Variants in PPM1H observed in about 807,000 individuals in gnomAD.
PPM1H encodes protein phosphatase 1H.
A neutral mutation model predicts 54.9 loss-of-function variants in PPM1H; 27 were observed. That is an observed-to-expected ratio of 0.49 (90% confidence interval 0.36 to 0.68). The LOEUF (loss-of-function observed/expected upper bound fraction) is 0.68, where lower values mean the gene tolerates loss of function less well. Among genes scored for constraint, PPM1H ranks in the 30% least tolerant of loss-of-function variants. PPM1H has a pLI of 0.00. For missense variants in PPM1H, 596 were observed against 667.8 expected, an observed-to-expected ratio of 0.89 and a Z score of 1.19; for synonymous variants, 305 against 270.8, an observed-to-expected ratio of 1.13 and a Z score of -1.24.
chr12:62,795,249 C>T (rs1380524575), intron 3 of PPM1H, among the ~76,000 whole-genome samples: 1 of 152,038 alleles, frequency 6.6e-6, no homozygotes, highest in Non-Finnish European at 1.5e-5. Context: ...GTGACTAGTA[C>T]CTACTTTTTC....
chr12:62,831,786 CGT>C (rs78821425), intron 2 of PPM1H, among the ~76,000 whole-genome samples: 10,368 of 146,876 alleles, frequency 0.071, 444 homozygotes, highest in African/African-American at 0.12. Context: ...CATATATATA[CGT>C]ATACACACAC....
intron 4 of PPM1H, among the ~76,000 whole-genome samples, chr12:62,781,058 C>T (rs941114343): frequency 6.6e-6 from 1 of 152,200 alleles, no homozygotes; most frequent in African/African-American, 2.4e-5. Flanking sequence ...ACTACACTTT[C>T]CCAGGGGCCC....
intron 1 of PPM1H, chr12:62,850,765 A>T (rs1313709882): frequency 1.3e-5 from 2 of 151,440 alleles, no homozygotes; most frequent in Admixed American, 6.6e-5. Flanking sequence ...GCAGTCCCCC[A>T]CTACCACAAA....
At chr12:62,862,104 G>C (rs1444213934) in intron 1 of PPM1H, among the ~76,000 whole-genome samples, 3 of 152,138 alleles carry the variant, frequency 2.0e-5, no homozygotes, top group Non-Finnish European at 4.4e-5. Flanking sequence ...CTGCCCTAGA[G>C]TTTTCTACCT....
chr12:62,712,556 G>T (rs1407537118), intron 6 of PPM1H, among the ~76,000 whole-genome samples: 1 of 152,214 alleles, frequency 6.6e-6, no homozygotes, highest in Non-Finnish European at 1.5e-5. Flanking sequence ...TCCCCAAAAT[G>T]CCAGAGACAT....
chr12:62,732,664 C>T (rs143258111), intron 5 of PPM1H, among the ~76,000 whole-genome samples: 2,736 of 151,576 alleles, frequency 0.018, 46 homozygotes, highest in East Asian at 0.068. Flanking sequence ...TTCTGCCTCC[C>T]GGGTTCACGC....
chr12:62,833,443 C>T (rs546463908), intron 1 of PPM1H, among the ~76,000 whole-genome samples: 57 of 152,124 alleles, frequency 3.7e-4, no homozygotes, highest in African/African-American at 1.3e-3. Flanking sequence ...TGACCAATTC[C>T]CCAAACGGTA....
At chr12:62,857,408 G>A (rs933948953) in intron 1 of PPM1H, among the ~76,000 whole-genome samples, 5 of 152,250 alleles carry the variant, frequency 3.3e-5, no homozygotes, top group Admixed American at 2.6e-4. Flanking sequence ...TGATCAATGA[G>A]AACACAGATA....
rs749332604 is a variant in PPM1H at position 62,725,165 on chromosome 12, A to T, written c.955-4876T>A. Among the ~76,000 whole-genome samples, 63 of 152,190 alleles carry T rather than the reference A, an allele frequency of 4.1e-4. 1 individual carries two copies. Among genetic ancestry groups the T allele is most frequent in the Non-Finnish European group, 8.8e-4 (60 of 68,026 alleles). Reference sequence around the variant, plus strand: ...CACACCTCCTCAAACTCCTCCGCACAATTAGTTGGATCCAGTGATGCTTAA... The same window carrying T: ...CACACCTCCTCAAACTCCTCCGCACTATTAGTTGGATCCAGTGATGCTTAA... On this transcript the variant is annotated intron_variant, in intron 5 of 9. Transcript: ENST00000228705.
Position 62,667,035 on chromosome 12 carries a change from G to C in PPM1H, c.1397+143C>G, listed in dbSNP as rs553097663. On this transcript the variant is annotated intron_variant, in intron 9 of 9. Coordinates refer to ENST00000228705, the MANE Select transcript of PPM1H (RefSeq NM_020700.2). ...CTGGAAAGTACCTCTTACAAGAAAG[G>C]TAATCCCTTCTGCAGTTTGGTTACT... The C allele has an allele frequency of 1.2e-5, 11 of 928,748 alleles. No homozygotes were observed. The South Asian group carries it at 2.0e-4, about 17-fold the overall frequency. 57.5% of individuals were successfully genotyped at this position (928,748 alleles called of 1,614,324 possible). A position where few individuals can be genotyped will look rare whatever the true frequency, so the allele number is the denominator to read the frequency against.
At chr12:62,888,915 G>A (rs533548411) in intron 1 of PPM1H, among the ~76,000 whole-genome samples, 1 of 152,286 alleles carries the variant, frequency 6.6e-6, no homozygotes, top group South Asian at 2.1e-4. Context: ...AGATTCCAGA[G>A]CTCGCATTCT....
chr12:62,693,796 T>C (rs950713275), intron 7 of PPM1H, 140 bp downstream of exon 7: 1 of 748,036 alleles, frequency 1.3e-6, no homozygotes, highest in Non-Finnish European at 2.2e-6. Flanking sequence ...TGAAGGATGA[T>C]GGATGGGATA....
At chr12:62,715,225 T>C (rs981730804) in intron 6 of PPM1H, among the ~76,000 whole-genome samples, 3 of 152,142 alleles carry the variant, frequency 2.0e-5, no homozygotes, top group Non-Finnish European at 2.9e-5. Flanking sequence ...AGCTACAGTG[T>C]GCATCCTGCA....
chr12:62,826,444 A>G (rs1184321165), intron 2 of PPM1H, among the ~76,000 whole-genome samples: 1 of 152,274 alleles, frequency 6.6e-6, no homozygotes, highest in East Asian at 1.9e-4. Flanking sequence ...GTGAGACTTC[A>G]TCTCAAAAAA....
chr12:62,779,398 C>T (rs1243251248), intron 4 of PPM1H, among the ~76,000 whole-genome samples: 1 of 152,182 alleles, frequency 6.6e-6, no homozygotes, highest in African/African-American at 2.4e-5. Flanking sequence ...AACATCCTTG[C>T]TAGGTAGAAT....
intron 9 of PPM1H, chr12:62,659,269 CAAAAA>C (rs11349692): frequency 1.1e-3 from 104 of 91,596 alleles, no homozygotes; most frequent in South Asian, 5.1e-3. Context: ...GTAAAAACTG[CAAAAA>C]AAAAAAAAAA....
intron 2 of PPM1H, among the ~76,000 whole-genome samples, chr12:62,825,814 A>G (rs1169325818): frequency 6.6e-6 from 1 of 151,982 alleles, no homozygotes; most frequent in Non-Finnish European, 1.5e-5. Flanking sequence ...GCAAACCAAC[A>G]TGGCACACAT....
intron 1 of PPM1H, among the ~76,000 whole-genome samples, chr12:62,866,034 T>C (rs1463351287): frequency 6.6e-6 from 1 of 152,196 alleles, no homozygotes; most frequent in African/African-American, 2.4e-5. Context: ...AGCCAACGTC[T>C]GTGGTGAACT....
chr12:62,856,572 T>G (rs1416956982), intron 1 of PPM1H, among the ~76,000 whole-genome samples: 2 of 152,228 alleles, frequency 1.3e-5, no homozygotes, highest in Non-Finnish European at 2.9e-5. Context: ...ATGAAGGATA[T>G]TGAATGTGCC....
Sources: gnomAD v4.1 joint callset for allele counts (sites outside exome capture counted in the v4.1 genomes callset) on GRCh38, gnomAD v4.1.1 for gene constraint, MANE v1.5 for transcripts, NCBI Gene and HGNC (gene_info 2026-07-23, HGNC 2026-07-21) for gene names.